Variants in PITPNC1 observed in about 807,000 individuals in gnomAD.
PITPNC1 encodes the protein cytoplasmic phosphatidylinositol transfer protein 1.
In PITPNC1, 18 loss-of-function variants were observed where a neutral mutation model predicts 44.7. The ratio of observed to expected loss-of-function variants is 0.40; its 90% CI spans 0.28 to 0.60. The LOEUF is 0.60. PITPNC1 is among the 20% of genes least tolerant of loss of function. The probability of loss-of-function intolerance (pLI) is 0.39; values close to 1 mark genes in which losing one functional copy is unlikely to be tolerated. For missense variants in PITPNC1, 290 were observed against 418.4 expected (o/e 0.69, Z 2.68); for synonymous variants, 141 against 149.6 (o/e 0.94, Z 0.42).
At chr17:67,675,619 G>GAAGGA (rs2042587610) in intron 8 of PITPNC1, 77 bp downstream of exon 8, 5 of 970,358 alleles carry the variant, frequency 5.2e-6, no homozygotes, top group Non-Finnish European at 8.4e-6. Flanking sequence ...GGCTTCAACT[G>GAAGGA]CTACCTAGAA....
chr17:67,477,803 C>T (rs1194644115), intron 1 of PITPNC1, among the ~76,000 whole-genome samples: 1 of 152,158 alleles, frequency 6.6e-6, no homozygotes, highest in Non-Finnish European at 1.5e-5. Context: ...TTCCATGTGC[C>T]TCCCAGGTTG....
chr17:67,682,696 A>G (rs1282457457), intron 8 of PITPNC1, among the ~76,000 whole-genome samples: 1 of 152,204 alleles, frequency 6.6e-6, no homozygotes, highest in Non-Finnish European at 1.5e-5. Context: ...ATACCGTACC[A>G]GTTGCAATAT....
At chr17:67,558,647 G>GATCACCCCTCTCCACCGGC (rs1435022122) in intron 4 of PITPNC1, among the ~76,000 whole-genome samples, 1 of 152,056 alleles carries the variant, frequency 6.6e-6, no homozygotes, top group East Asian at 1.9e-4. Context: ...TTGCGACCGT[G>GATCACCCCTCTCCACCGGC]ATCACCCCTC....
At chr17:67,655,249 A>C (rs1279629092) in intron 6 of PITPNC1, among the ~76,000 whole-genome samples, 2 of 152,196 alleles carry the variant, frequency 1.3e-5, no homozygotes, top group Non-Finnish European at 2.9e-5. Context: ...GGAGCTATCC[A>C]GAGTTTCTTT....
chr17:67,662,688 C>G (rs1331762513), intron 6 of PITPNC1, among the ~76,000 whole-genome samples: 2 of 152,124 alleles, frequency 1.3e-5, no homozygotes, highest in Non-Finnish European at 2.9e-5. Context: ...TACAGTGTGG[C>G]CTTTGGTGGT....
In PITPNC1 at chr17:67,377,435, C is replaced by G. The variant is rs1366514701; in HGVS notation, c.-720C>G. On this transcript the variant is annotated 5_prime_UTR_variant, in exon 1 of 9. Coordinates refer to ENST00000581322, the MANE Select transcript of PITPNC1 (RefSeq NM_012417.4). ...CGGAAGGCGCCAGCTTCCTCCCGCC[C>G]GCCCCTGGCAGCCGCGAGCCGAGGT... 6.5e-6 allele frequency: 1 copy of G among 152,820 alleles called. No individual in the cohort carries two copies. The highest frequency in any genetic ancestry group is 2.4e-5 in the African/African-American group (1 of 41,426). 9.5% of individuals were successfully genotyped at this position (152,820 alleles called of 1,614,324 possible).
At chr17:67,473,397 C>T (rs965371325) in intron 1 of PITPNC1, among the ~76,000 whole-genome samples, 1 of 151,956 alleles carries the variant, frequency 6.6e-6, no homozygotes, top group East Asian at 2.0e-4. Context: ...GGCACAATCT[C>T]GGCTCACTGC....
At chr17:67,645,366 A>T (rs1398902990) in intron 6 of PITPNC1, among the ~76,000 whole-genome samples, 1 of 150,404 alleles carries the variant, frequency 6.6e-6, no homozygotes, top group African/African-American at 2.5e-5. Context: ...AAAAAAAGAG[A>T]AAGTGATTTG....
chr17:67,545,436 G>T (rs1304951508), intron 2 of PITPNC1, among the ~76,000 whole-genome samples: 1 of 151,952 alleles, frequency 6.6e-6, no homozygotes, highest in Non-Finnish European at 1.5e-5. Flanking sequence ...AAATTAACCA[G>T]GTGTGGTGGC....
At chr17:67,404,047 C>T (rs1320403416) in intron 1 of PITPNC1, among the ~76,000 whole-genome samples, 2 of 152,138 alleles carry the variant, frequency 1.3e-5, no homozygotes, top group African/African-American at 4.8e-5. Context: ...AATCCCTGGG[C>T]TTTTTGGCTA....
intron 5 of PITPNC1, among the ~76,000 whole-genome samples, chr17:67,600,726 C>T (rs993817721): frequency 1.3e-5 from 2 of 151,450 alleles, no homozygotes; most frequent in African/African-American, 4.8e-5. Flanking sequence ...ATAGCTAACT[C>T]ATAGGAGCAG....
At chr17:67,573,556 C>CT (rs35434515) in intron 4 of PITPNC1, among the ~76,000 whole-genome samples, 935 of 84,010 alleles carry the variant, frequency 0.011, 19 homozygotes, top group African/African-American at 0.033. Flanking sequence ...ACTGAATACT[C>CT]TTTTTTTTTT....
chr17:67,694,792 C>T lies in PITPNC1; in HGVS notation c.*1904C>T, dbSNP rs1297896588. The T allele has an allele frequency of 1.3e-5, 2 of 152,114 alleles. No individual in the cohort carries two copies. The highest frequency in any genetic ancestry group is 4.8e-5 in the African/African-American group (2 of 41,420). The allele number at this position is 152,114 out of a possible 1,614,324, so 9.4% of individuals were successfully genotyped here. On this transcript the variant is annotated 3_prime_UTR_variant, in exon 9 of 9. Coordinates refer to ENST00000581322, the MANE Select transcript of PITPNC1 (RefSeq NM_012417.4). ...CTAATATTTTATCAGACCCCTCGGA[C>T]TTCTCAATCCCTCCCTCTCCACACA... is the stretch of plus-strand genomic sequence containing the variant.
intron 1 of PITPNC1, among the ~76,000 whole-genome samples, chr17:67,526,304 C>T (rs1013613349): frequency 6.6e-6 from 1 of 152,150 alleles, no homozygotes; most frequent in Middle Eastern, 3.2e-3. Context: ...GCTCTGCTGA[C>T]CCTAGAACTT....
chr17:67,523,021 T>C (rs1176549309), intron 1 of PITPNC1, among the ~76,000 whole-genome samples: 2 of 152,098 alleles, frequency 1.3e-5, no homozygotes. Context: ...TACATTCACA[T>C]TGTTGCAAAA....
At chr17:67,691,095 T>G (rs1249048770) in intron 8 of PITPNC1, among the ~76,000 whole-genome samples, 1 of 120,012 alleles carries the variant, frequency 8.3e-6, no homozygotes, top group African/African-American at 3.4e-5. Context: ...AGAGCAAGAC[T>G]CTATCTCAAA....
At chr17:67,382,338 G>GGTGTGTGTGTGT (rs112100189) in intron 1 of PITPNC1, among the ~76,000 whole-genome samples, 2 of 146,202 alleles carry the variant, frequency 1.4e-5, no homozygotes, top group South Asian at 2.2e-4. Context: ...GGGGTTTTTT[G>GGTGTGTGTGTGT]GTGTGTGTGT....
chr17:67,472,279 T>C (rs2039548444), intron 1 of PITPNC1, among the ~76,000 whole-genome samples: 1 of 134,420 alleles, frequency 7.4e-6, no homozygotes, highest in South Asian at 2.3e-4. Context: ...GGAAGAAGAA[T>C]TGTCTTGGGC....
chr17:67,629,169 A>G (rs1420285938), intron 5 of PITPNC1, among the ~76,000 whole-genome samples: 2 of 151,136 alleles, frequency 1.3e-5, no homozygotes, highest in African/African-American at 4.9e-5. Context: ...TTTGCCACCA[A>G]TAAATGTCAA....
Sources: gnomAD v4.1 joint callset for allele counts (sites outside exome capture counted in the v4.1 genomes callset) on GRCh38, gnomAD v4.1.1 for gene constraint, MANE v1.5 for transcripts, NCBI Gene and HGNC (gene_info 2026-07-23, HGNC 2026-07-21) for gene names.